The following ZNF98 variants were observed in gnomAD, a reference collection of about 807,000 sequenced individuals.
ZNF98 encodes zinc finger protein 98, also known as zinc finger protein 739.
Under a neutral mutation model 12.8 loss-of-function variants are expected in ZNF98, and 8 were observed. That is an observed-to-expected ratio of 0.63 (90% CI 0.37 to 1.13). The LOEUF (loss-of-function observed/expected upper bound fraction) is 1.13, where lower values mean the gene tolerates loss of function less well. Among genes scored for constraint, ZNF98 ranks in the 50% most tolerant of loss-of-function variants. The pLI is 0.01. For missense variants in ZNF98, 379 were observed against 666.1 expected (o/e 0.57, Z 4.74); for synonymous variants, 112 against 223.5 (o/e 0.50, Z 4.45).
At chr19:22,416,531 T>C (rs1969645432) in intron 1 of ZNF98, among the ~76,000 whole-genome samples, 2 of 151,160 alleles carry the variant, frequency 1.3e-5, no homozygotes, top group Non-Finnish European at 2.9e-5. Flanking sequence ...ATCCCAGCAC[T>C]TTGGGAGGCT....
At chr19:22,403,127 T>C (rs2957813) in intron 2 of ZNF98, among the ~76,000 whole-genome samples, 10 of 152,008 alleles carry the variant, frequency 6.6e-5, no homozygotes, top group South Asian at 2.1e-4. Context: ...GGCAACAGTA[T>C]GTTATGCCAC....
At chr19:22,416,986 T>C (rs1300761699) in intron 1 of ZNF98, among the ~76,000 whole-genome samples, 1 of 152,062 alleles carries the variant, frequency 6.6e-6, no homozygotes, top group Non-Finnish European at 1.5e-5. Context: ...TCCCAACACT[T>C]TGGGAAGCCA....
chr19:22,396,514 T>C (rs2957824), intron 3 of ZNF98, among the ~76,000 whole-genome samples: 131,759 of 152,124 alleles, frequency 0.87, 57,218 homozygotes, highest in East Asian at 0.91. Flanking sequence ...TGTAACAGTC[T>C]GTCTTTATCA....
intron 3 of ZNF98, among the ~76,000 whole-genome samples, chr19:22,396,061 T>C (rs1206917236): frequency 1.3e-5 from 2 of 150,872 alleles, no homozygotes; most frequent in African/African-American, 2.5e-5. Flanking sequence ...AAAAAACACA[T>C]AATCATATAA....
rs780950779 is a variant in ZNF98 at position 22,392,930 on chromosome 19, T to A, written c.305A>T (p.Asn102Ile). 2 of 1,561,310 alleles carry A rather than the reference T, an allele frequency of 1.3e-6. No individual in the cohort carries two copies. The highest frequency in any genetic ancestry group is 2.3e-5 in the East Asian group (1 of 44,240). The change falls in exon 4 of 4, where the codon AAT (asparagine) becomes ATT (isoleucine). Residue 102 changes from asparagine to isoleucine, a missense_variant. Transcript: ENST00000357774. ...QDLWPKQGKK[N>I]YFQKVILRTY... ...TCTCAGTATCACTTTTTGGAAATAATTTTTTTTGCCCTGCTTTGGCCAAAG... is the reference window on the plus strand; with the variant it reads ...TCTCAGTATCACTTTTTGGAAATAAATTTTTTTGCCCTGCTTTGGCCAAAG...
chr19:22,415,291 G>A (rs1402087100), intron 1 of ZNF98, among the ~76,000 whole-genome samples: 1 of 152,160 alleles, frequency 6.6e-6, no homozygotes, highest in Non-Finnish European at 1.5e-5. Context: ...ATAAAAAGCA[G>A]TGTGACGATT....
chr19:22,412,790 C>T (rs573143100), intron 1 of ZNF98, among the ~76,000 whole-genome samples: 1 of 152,272 alleles, frequency 6.6e-6, no homozygotes, highest in South Asian at 2.1e-4. Context: ...CAGTGGCTCA[C>T]ACCTGTAATC....
At chr19:22,410,967 TC>T (rs1214141601) in intron 1 of ZNF98, among the ~76,000 whole-genome samples, 11 of 152,218 alleles carry the variant, frequency 7.2e-5, no homozygotes, top group African/African-American at 2.7e-4. Context: ...AGTATCATAA[TC>T]TTTGTTGGCT....
intron 1 of ZNF98, among the ~76,000 whole-genome samples, chr19:22,415,993 A>ACACT (rs1360254701): frequency 6.9e-6 from 1 of 144,322 alleles, no homozygotes; most frequent in Non-Finnish European, 1.5e-5. Flanking sequence ...ACACACACAC[A>ACACT]CTTAGCTGGG....
chr19:22,402,799 A>G lies in ZNF98; in HGVS notation c.243T>C (p.Thr81=), dbSNP rs1316541751. ...PWNVKRHEMV[T]EPPVVYSYFA... ...TTCACTCTCACCTACCTGGGGGTTC[A>G]GTTACCATCTCATGTCTCTTCACAT... The change falls in exon 3 of 4, where the codon ACT becomes ACC. Residue 81 remains threonine (T), a synonymous_variant. Coordinates refer to ENST00000357774, the MANE Select transcript of ZNF98 (RefSeq NM_001098626.2). The G allele has an allele frequency of 6.9e-6, 11 of 1,594,696 alleles. No homozygotes were observed. The East Asian group carries it at 2.3e-4, about 33-fold the overall frequency.
chr19:22,406,557 C>T (rs1969521223), intron 1 of ZNF98, among the ~76,000 whole-genome samples: 1 of 152,132 alleles, frequency 6.6e-6, no homozygotes, highest in Non-Finnish European at 1.5e-5. Context: ...GTGGCTCATG[C>T]CTGTAATCCC....
chr19:22,422,253 G>A lies in ZNF98; in HGVS notation c.-29C>T. ...AGCTGTGGATTCCCAATACCTGCAGGTCACAGGGCCACAGAGGCTGGGCCT... is the reference window on the plus strand; with the variant it reads ...AGCTGTGGATTCCCAATACCTGCAGATCACAGGGCCACAGAGGCTGGGCCT... On this transcript the variant is annotated 5_prime_UTR_variant, in exon 1 of 4. Coordinates refer to ENST00000357774, the MANE Select transcript of ZNF98 (RefSeq NM_001098626.2). 1 of 1,610,718 alleles carries A rather than the reference G, an allele frequency of 6.2e-7. No individual in the cohort carries two copies. Among genetic ancestry groups the A allele is most frequent in the Non-Finnish European group, 8.5e-7 (1 of 1,177,806 alleles).
chr19:22,410,567 A>G (rs1365921454), intron 1 of ZNF98, among the ~76,000 whole-genome samples: 1 of 152,202 alleles, frequency 6.6e-6, no homozygotes, highest in South Asian at 2.1e-4. Context: ...ACATGGACAC[A>G]GGGAGGGGAA....
Position 22,391,623 on chromosome 19 carries a change from T to C in ZNF98, c.1612A>G (p.Met538Val), listed in dbSNP as rs1415068495. ...NNSSILNRHK[M>V]IHTGEKLYKP... is the part of the protein sequence containing the mutation. ...TAGAGTTTCTCTCCAGTATGAATCA[T>C]CTTATGTCTGTTAAGAATAGAGGAG... Residue 538 changes from methionine (M) to valine (V), a missense_variant, in exon 4 of 4, where the codon ATG (methionine) becomes GTG (valine). Met to Val is a conservative substitution (Grantham distance 21, BLOSUM62 1). Coordinates refer to ENST00000357774, the MANE Select transcript of ZNF98 (RefSeq NM_001098626.2). The C allele has an allele frequency of 7.4e-6, 12 of 1,613,480 alleles. No homozygotes were observed. The highest frequency in any genetic ancestry group is 1.3e-5 in the African/African-American group (1 of 74,940).
intron 3 of ZNF98, among the ~76,000 whole-genome samples, chr19:22,401,733 C>A (rs1404124370): frequency 1.3e-5 from 2 of 151,464 alleles, no homozygotes; most frequent in Non-Finnish European, 2.9e-5. Context: ...GATCCACCTG[C>A]CTCAGCCTCC....
At chr19:22,419,201 G>C (rs1969677359) in intron 1 of ZNF98, among the ~76,000 whole-genome samples, 1 of 152,022 alleles carries the variant, frequency 6.6e-6, no homozygotes, top group South Asian at 2.1e-4. Flanking sequence ...TACTCCTTTG[G>C]AATTCAATTT....
At chr19:22,402,031 C>A (rs1257797115) in intron 3 of ZNF98, among the ~76,000 whole-genome samples, 1 of 150,428 alleles carries the variant, frequency 6.6e-6, no homozygotes, top group Non-Finnish European at 1.5e-5. Context: ...TAAAAATTAG[C>A]CAGGCATGGT....
chr19:22,402,093 T>C (rs916454560), intron 3 of ZNF98, among the ~76,000 whole-genome samples: 9 of 147,806 alleles, frequency 6.1e-5, no homozygotes, highest in Admixed American at 5.5e-4. Context: ...GAAGAATCGC[T>C]TGAACCCAGG....
chr19:22,415,931 TAAAAAAA>T (rs35543907), intron 1 of ZNF98, among the ~76,000 whole-genome samples: 2 of 96,784 alleles, frequency 2.1e-5, no homozygotes, highest in African/African-American at 4.3e-5. Flanking sequence ...CGTTCCTACT[TAAAAAAA>T]AAAAAAAAAA....
Sources: allele counts gnomAD v4.1 joint callset (sites outside exome capture counted in the v4.1 genomes callset), GRCh38; gene constraint gnomAD v4.1.1; transcripts MANE v1.5; gene names NCBI Gene and HGNC (gene_info 2026-07-23, HGNC 2026-07-21).